The following QTMAN variants were observed in gnomAD, a reference collection of about 807,000 sequenced individuals.
QTMAN encodes queuosine-tRNA mannosyltransferase, also known as tRNA-queuosine alpha-mannosyltransferase.
At chr2:144,122,748 G>T in the QTMAN span, among the ~76,000 whole-genome samples, 1 of 152,126 alleles carries the variant, frequency 6.6e-6, no homozygotes, top group East Asian at 1.9e-4. Flanking sequence ...TTTATCAGTG[G>T]TCCTTAACCT....
At chr2:143,989,361 C>T in the QTMAN span, among the ~76,000 whole-genome samples, 2 of 151,598 alleles carry the variant, frequency 1.3e-5, no homozygotes, top group Non-Finnish European at 2.9e-5. Flanking sequence ...TATTTAACTC[C>T]CAAAGAAGTA....
chr2:144,234,019 A>C, the QTMAN span, among the ~76,000 whole-genome samples: 7 of 152,170 alleles, frequency 4.6e-5, no homozygotes, highest in Non-Finnish European at 2.9e-5. Context: ...AAAAAAAAGA[A>C]GTATTATAAT....
chr2:144,302,619 A>G, the QTMAN span, among the ~76,000 whole-genome samples: 5 of 152,236 alleles, frequency 3.3e-5, no homozygotes, highest in African/African-American at 9.6e-5. Context: ...TCAATATTCA[A>G]TAGGTATTTA....
chr2:144,143,594 G>A, the QTMAN span, among the ~76,000 whole-genome samples: 1 of 151,876 alleles, frequency 6.6e-6, no homozygotes, highest in African/African-American at 2.4e-5. Flanking sequence ...TGGGGGGTGT[G>A]GGTGATTACA....
chr2:143,980,488 G>C, the QTMAN span, among the ~76,000 whole-genome samples: 1 of 152,144 alleles, frequency 6.6e-6, no homozygotes, highest in Non-Finnish European at 1.5e-5. Context: ...TAAAAAGTTA[G>C]TAAATTGAAT....
the QTMAN span, among the ~76,000 whole-genome samples, chr2:144,014,517 A>G: frequency 1.6e-3 from 251 of 152,330 alleles, no homozygotes; most frequent in Non-Finnish European, 3.0e-3. Flanking sequence ...GAGACTAGCT[A>G]TAAGTCAAAA....
the QTMAN span, among the ~76,000 whole-genome samples, chr2:144,126,666 T>C: frequency 6.6e-6 from 1 of 152,020 alleles, no homozygotes; most frequent in Non-Finnish European, 1.5e-5. Context: ...AATGGTATTA[T>C]TTGAGGACCA....
At chr2:144,182,317 A>T in the QTMAN span, among the ~76,000 whole-genome samples, 162 of 152,200 alleles carry the variant, frequency 1.1e-3, 1 homozygote, top group African/African-American at 3.4e-3. Flanking sequence ...CTCAGTAGGT[A>T]TGTGTGACTT....
chr2:144,147,350 A>C, the QTMAN span, among the ~76,000 whole-genome samples: 1 of 151,712 alleles, frequency 6.6e-6, no homozygotes, highest in African/African-American at 2.4e-5. Flanking sequence ...ATGACCAAAC[A>C]ATGCCCCATT....
At chr2:143,964,662 T>G in the QTMAN span, among the ~76,000 whole-genome samples, 2 of 152,092 alleles carry the variant, frequency 1.3e-5, no homozygotes, top group South Asian at 4.1e-4. Context: ...AAGATGGAAG[T>G]GGAGGGAAAT....
the QTMAN span, chr2:144,006,870 TA>T: frequency 4.5e-6 from 1 of 224,038 alleles, no homozygotes; most frequent in Admixed American, 5.5e-5. Context: ...TGTGTGTGCA[TA>T]AAATGGAATC....
chr2:144,240,882 A>C, the QTMAN span, among the ~76,000 whole-genome samples: 1 of 152,184 alleles, frequency 6.6e-6, no homozygotes, highest in East Asian at 1.9e-4. Flanking sequence ...CTTAATACCC[A>C]GTTCTAAGAA....
the QTMAN span, among the ~76,000 whole-genome samples, chr2:144,085,660 A>C: frequency 6.6e-6 from 1 of 152,168 alleles, no homozygotes; most frequent in Non-Finnish European, 1.5e-5. Flanking sequence ...CAATACACCC[A>C]AGAGATGAGG....
chr2:144,252,611 C>A, the QTMAN span, among the ~76,000 whole-genome samples: 4,070 of 152,182 alleles, frequency 0.027, 173 homozygotes, highest in African/African-American at 0.093. Context: ...CAATGTAGAG[C>A]AAAAAGAACA....
chr2:144,166,775 TGACTCTAACATTCTTCA>T, the QTMAN span, among the ~76,000 whole-genome samples: 1 of 152,234 alleles, frequency 6.6e-6, no homozygotes, highest in Non-Finnish European at 1.5e-5. Context: ...ATTTCAATAA[TGACTCTAACATTCTTCA>T]GACTCCACAA....
the QTMAN span, among the ~76,000 whole-genome samples, chr2:144,267,174 A>T: frequency 2.0e-5 from 3 of 152,220 alleles, no homozygotes; most frequent in African/African-American, 7.2e-5. Context: ...TCTGAGAATC[A>T]CCGGCAATAC....
the QTMAN span, among the ~76,000 whole-genome samples, chr2:144,130,139 T>C: frequency 1.3e-5 from 2 of 151,754 alleles, no homozygotes; most frequent in Admixed American, 1.3e-4. Flanking sequence ...ATTTACACTT[T>C]TCCCAGCCAC....
the QTMAN span, among the ~76,000 whole-genome samples, chr2:143,983,776 G>A: frequency 6.6e-6 from 1 of 152,114 alleles, no homozygotes; most frequent in Non-Finnish European, 1.5e-5. Flanking sequence ...CCCAGCCGAG[G>A]TTTTAATGTT....
At chr2:144,118,800 GAAC>G in the QTMAN span, among the ~76,000 whole-genome samples, 1 of 152,204 alleles carries the variant, frequency 6.6e-6, no homozygotes, top group Non-Finnish European at 1.5e-5. Context: ...AGAATGGTGT[GAAC>G]CTGGGAGGCG....
Sources: allele counts gnomAD v4.1 joint callset (sites outside exome capture counted in the v4.1 genomes callset), GRCh38; gene constraint gnomAD v4.1.1; transcripts MANE v1.5; gene names NCBI Gene and HGNC (gene_info 2026-07-23, HGNC 2026-07-21).